BMPR2: variants seen among roughly 807,000 people sequenced by gnomAD.
BMPR2 encodes the protein bone morphogenetic protein receptor type-2.
Under a neutral mutation model 100.8 loss-of-function variants are expected in BMPR2, and 29 were observed. The ratio of observed to expected loss-of-function variants is 0.29; its 90% confidence interval spans 0.21 to 0.39. The LOEUF (loss-of-function observed/expected upper bound fraction) is 0.39, where lower values mean the gene tolerates loss of function less well. Among genes scored for constraint, BMPR2 ranks in the 10% least tolerant of loss-of-function variants. BMPR2 has a pLI of 1.00. For missense variants in BMPR2, 1,011 were observed against 1,274.5 expected (o/e 0.79, Z 3.15); for synonymous variants, 382 against 442.3 (o/e 0.86, Z 1.71).
In BMPR2 at chr2:202,561,633, A is replaced by C. The variant is rs1451117459; in HGVS notation, c.*1687A>C. On this transcript the variant is annotated 3_prime_UTR_variant, in exon 13 of 13. Transcript: ENST00000374580. The stretch of plus-strand genomic sequence containing the variant: ...TAGTTCCAGGGATTAAAAGGTTAAG[A>C]GGAAAACACAAATCACCAAATTTCT... 6.6e-6 allele frequency: 1 copy of C among 152,172 alleles called. No individual in the cohort carries two copies. The highest frequency in any genetic ancestry group is 2.4e-5 in the African/African-American group (1 of 41,448). 9.4% of individuals were successfully genotyped at this position (152,172 alleles called of 1,614,324 possible). A position where few individuals can be genotyped will look rare whatever the true frequency, so the allele number is the denominator to read the frequency against.
At chr2:202,550,136 G>C (rs1201543955) in intron 10 of BMPR2, among the ~76,000 whole-genome samples, 1 of 152,060 alleles carries the variant, frequency 6.6e-6, no homozygotes, top group Admixed American at 6.6e-5. Flanking sequence ...TTGGAAGGTT[G>C]AGGTGGGCGG....
At position 202,442,227 on chromosome 2, in the gene BMPR2, A is replaced by G. The variant is rs891200473; in HGVS notation, c.77-22582A>G. ...TGCTTCTATGGTCCCCCAGCAAGAA[A>G]TCTTGTACTCATTAGCAGTTATTCC... On this transcript the variant is annotated intron_variant, in intron 1 of 12. Coordinates refer to ENST00000374580, the MANE Select transcript of BMPR2 (RefSeq NM_001204.7). Among the ~76,000 whole-genome samples the G allele has an allele frequency of 1.3e-5, 2 of 150,276 alleles. 1 individual carries two copies. The highest frequency in any genetic ancestry group is 5.0e-5 in the African/African-American group (2 of 39,662).
intron 1 of BMPR2, among the ~76,000 whole-genome samples, chr2:202,394,511 C>G (rs1213566892): frequency 6.6e-6 from 1 of 152,056 alleles, no homozygotes; most frequent in African/African-American, 2.4e-5. Context: ...TGAGTGCCTG[C>G]TATGTGTCAA....
intron 3 of BMPR2, among the ~76,000 whole-genome samples, chr2:202,483,647 C>T (rs530573850): frequency 1.3e-5 from 2 of 152,278 alleles, no homozygotes; most frequent in South Asian, 2.1e-4. Flanking sequence ...GATCCGCCCA[C>T]CTAGGCCTCC....
chr2:202,502,255 A>G (rs1687409376), intron 3 of BMPR2, among the ~76,000 whole-genome samples: 4 of 152,374 alleles, frequency 2.6e-5, no homozygotes, highest in Middle Eastern at 3.4e-3. Flanking sequence ...CAATGCAAAA[A>G]CACAAAGAGG....
intron 3 of BMPR2, among the ~76,000 whole-genome samples, chr2:202,508,498 G>A (rs1687567977): frequency 6.6e-6 from 1 of 152,330 alleles, no homozygotes; most frequent in African/African-American, 2.4e-5. Flanking sequence ...TGTGATCAAT[G>A]TATGTATTAA....
intron 3 of BMPR2, among the ~76,000 whole-genome samples, chr2:202,476,661 C>T (rs530613061): frequency 2.6e-5 from 4 of 152,040 alleles, no homozygotes; most frequent in East Asian, 1.9e-4. Flanking sequence ...TGGTGGCATG[C>T]GCCTGTAATC....
At chr2:202,536,102 G>A (rs561322400) in intron 9 of BMPR2, among the ~76,000 whole-genome samples, 241 of 152,120 alleles carry the variant, frequency 1.6e-3, no homozygotes, top group Non-Finnish European at 3.0e-3. Flanking sequence ...AGAGGGAGAG[G>A]GAGAGGGAGC....
chr2:202,526,878 C>CT (rs895515725), intron 7 of BMPR2, among the ~76,000 whole-genome samples: 15 of 151,814 alleles, frequency 9.9e-5, no homozygotes, highest in African/African-American at 2.7e-4. Context: ...TGGGATTTTT[C>CT]TTTTTTTTGG....
intron 1 of BMPR2, among the ~76,000 whole-genome samples, chr2:202,428,234 C>T (rs1227559439): frequency 3.3e-5 from 5 of 152,154 alleles, no homozygotes; most frequent in Non-Finnish European, 5.9e-5. Context: ...CATGTGTGCA[C>T]ATACTGTCAG....
chr2:202,506,972 C>G (rs559067766), intron 3 of BMPR2, among the ~76,000 whole-genome samples: 12 of 150,890 alleles, frequency 8.0e-5, no homozygotes, highest in African/African-American at 2.7e-4. Flanking sequence ...ACTCGGGAGG[C>G]TGAGGCAGGA....
At chr2:202,389,420 G>A (rs1690500629) in intron 1 of BMPR2, among the ~76,000 whole-genome samples, 1 of 150,230 alleles carries the variant, frequency 6.7e-6, no homozygotes, top group Admixed American at 6.7e-5. Context: ...CCAGCTACTC[G>A]GGAGGCTGAG....
intron 1 of BMPR2, among the ~76,000 whole-genome samples, chr2:202,436,308 T>C (rs1247402694): frequency 1.3e-5 from 2 of 150,326 alleles, no homozygotes; most frequent in Admixed American, 6.6e-5. Flanking sequence ...TAGTTGGGCA[T>C]GATAGCCTGC....
In BMPR2 at chr2:202,530,830, A is replaced by G. The variant is rs960440218; in HGVS notation, c.1004A>G (p.Asn335Ser). The G allele has an allele frequency of 6.2e-7, 1 of 1,613,862 alleles. No homozygotes were observed. The highest frequency in any genetic ancestry group is 8.5e-7 in the Non-Finnish European group (1 of 1,179,766). ...YKPAISHRDL[N>S]SRNVLVKNDG... ...CCTGCAATTTCCCATCGAGATTTAA[A>G]CAGCAGAAATGTCCTAGTGAAAAAT... The change falls in exon 8 of 13, where the codon AAC becomes AGC. Residue 335 changes from asparagine to serine, a missense_variant. Coordinates refer to ENST00000374580, the MANE Select transcript of BMPR2 (RefSeq NM_001204.7).
At chr2:202,390,201 G>T (rs1413947255) in intron 1 of BMPR2, among the ~76,000 whole-genome samples, 1 of 152,142 alleles carries the variant, frequency 6.6e-6, no homozygotes, top group African/African-American at 2.4e-5. Flanking sequence ...ATCTGGGACA[G>T]TTCTAGAAGT....
At chr2:202,472,074 A>T (rs530974923) in intron 3 of BMPR2, among the ~76,000 whole-genome samples, 1 of 152,206 alleles carries the variant, frequency 6.6e-6, no homozygotes, top group Non-Finnish European at 1.5e-5. Flanking sequence ...CCAAATAAAA[A>T]TTTTAAACAA....
chr2:202,398,108 CA>C (rs56075719), intron 1 of BMPR2, among the ~76,000 whole-genome samples: 18,354 of 120,194 alleles, frequency 0.15, 1,142 homozygotes, highest in Admixed American at 0.18. Flanking sequence ...GACCCTGTCT[CA>C]AAAAAAAAAA....
chr2:202,413,898 A>G (rs933366237), intron 1 of BMPR2, among the ~76,000 whole-genome samples: 1 of 152,140 alleles, frequency 6.6e-6, no homozygotes, highest in African/African-American at 2.4e-5. Flanking sequence ...TCCTGAGCTC[A>G]AGTGATCTGC....
intron 3 of BMPR2, among the ~76,000 whole-genome samples, chr2:202,506,460 G>C (rs1687522105): frequency 6.6e-6 from 1 of 151,880 alleles, no homozygotes; most frequent in African/African-American, 2.4e-5. Context: ...CTGGCCTTTT[G>C]TTTTGTTTTG....
Sources: allele counts gnomAD v4.1 joint callset (sites outside exome capture counted in the v4.1 genomes callset), GRCh38; gene constraint gnomAD v4.1.1; transcripts MANE v1.5; gene names NCBI Gene and HGNC (gene_info 2026-07-23, HGNC 2026-07-21).